Variants in KLF12 observed in about 807,000 individuals in gnomAD.
KLF12 encodes KLF transcription factor 12.
In KLF12, 9 loss-of-function variants were observed where a neutral mutation model predicts 37.8. That is an observed-to-expected ratio of 0.24 (90% CI 0.14 to 0.42). The LOEUF is 0.42. KLF12 is among the 10% of genes least tolerant of loss of function. KLF12 has a pLI of 1.00. For synonymous variants in KLF12, 208 were observed against 202.1 expected, an observed-to-expected ratio of 1.03 and a Z score of -0.25; for missense variants, 411 against 516.0, an observed-to-expected ratio of 0.80 and a Z score of 1.97.
At chr13:74,022,871 CT>C (rs1209038600) in intron 1 of KLF12, among the ~76,000 whole-genome samples, 1 of 148,240 alleles carries the variant, frequency 6.7e-6, no homozygotes, top group African/African-American at 2.5e-5. Flanking sequence ...CATCCATCCA[CT>C]GTGGAAAAAA....
intron 3 of KLF12, among the ~76,000 whole-genome samples, chr13:73,943,185 G>A (rs759553769): frequency 9.2e-5 from 14 of 152,046 alleles, no homozygotes; most frequent in South Asian, 2.1e-4. Flanking sequence ...GATTATATAC[G>A]TATTTATGTC....
At chr13:73,845,116 A>T (rs1394125730) in intron 4 of KLF12, 1 of 152,218 alleles carries the variant, frequency 6.6e-6, no homozygotes, top group Non-Finnish European at 1.5e-5. Flanking sequence ...ACTAGTGATG[A>T]TTACACATAG....
At chr13:74,254,489 C>A in the KLF12 span, among the ~76,000 whole-genome samples, 2 of 152,064 alleles carry the variant, frequency 1.3e-5, no homozygotes, top group African/African-American at 4.8e-5. Context: ...ATTATTAATG[C>A]AATTTTCAGA....
intron 4 of KLF12, among the ~76,000 whole-genome samples, chr13:73,842,287 G>A (rs942568699): frequency 2.0e-5 from 3 of 152,192 alleles, no homozygotes; most frequent in African/African-American, 7.2e-5. Context: ...CTCTATTTGC[G>A]ATTATAATTA....
rs750282954 is a variant in KLF12, at chr13:73,992,046, C to G, written c.33+2944G>C. On this transcript the variant is annotated intron_variant, in intron 2 of 7. Transcript: ENST00000377669. ...GCTAGGTGGTTAGGCAGCTGTTCAT[C>G]AGAGGTAGTCGCAAAGCAAAGTTTT... 2.6e-5 allele frequency among the ~76,000 whole-genome samples: 4 copies of G among 152,000 alleles called. No homozygotes were observed. In the East Asian group the frequency reaches 5.8e-4, roughly 22 times the overall value.
intron 1 of KLF12, among the ~76,000 whole-genome samples, chr13:74,119,707 G>A (rs1316492661): frequency 6.6e-6 from 1 of 152,000 alleles, no homozygotes; most frequent in Non-Finnish European, 1.5e-5. Flanking sequence ...AAGACTTGTG[G>A]GGCAATACCA....
intron 4 of KLF12, among the ~76,000 whole-genome samples, chr13:73,829,398 A>G (rs1173340112): frequency 6.6e-6 from 1 of 152,168 alleles, no homozygotes; most frequent in Non-Finnish European, 1.5e-5. Context: ...AATAATAAGG[A>G]TATTTTTCTC....
rs1482056083 is a variant in KLF12 at position 73,995,065 on chromosome 13, A to G, written c.-31-12T>C. 1 of 1,573,454 alleles carries G rather than the reference A, an allele frequency of 6.4e-7. No homozygotes were observed. Among genetic ancestry groups the G allele is most frequent in the Non-Finnish European group, 8.7e-7 (1 of 1,152,056 alleles). ...GAGTCACATTGATCCTGCAAGAAAA[A>G]CACAAAGACAAATGATGAGAGAAAG... On this transcript the variant is annotated splice_polypyrimidine_tract_variant and intron_variant, in intron 1 of 7. Coordinates refer to ENST00000377669, the MANE Select transcript of KLF12 (RefSeq NM_007249.5).
At chr13:73,892,837 T>C (rs1887575563) in intron 3 of KLF12, among the ~76,000 whole-genome samples, 1 of 152,228 alleles carries the variant, frequency 6.6e-6, no homozygotes, top group Admixed American at 6.5e-5. Flanking sequence ...ACTTTGCTTA[T>C]ATTTGTGGGA....
chr13:73,798,850 T>C (rs1296921190), intron 5 of KLF12, among the ~76,000 whole-genome samples: 1 of 152,198 alleles, frequency 6.6e-6, no homozygotes, highest in Non-Finnish European at 1.5e-5. Context: ...GAAAGCAGTG[T>C]GGCCATTCCT....
At chr13:74,231,966 G>A in the KLF12 span, among the ~76,000 whole-genome samples, 2 of 152,148 alleles carry the variant, frequency 1.3e-5, no homozygotes, top group Non-Finnish European at 2.9e-5. Flanking sequence ...GATATTCAAA[G>A]AAATTTAGTT....
chr13:73,816,853 C>T (rs1183574533), intron 4 of KLF12, among the ~76,000 whole-genome samples: 4 of 152,172 alleles, frequency 2.6e-5, no homozygotes, highest in Non-Finnish European at 2.9e-5. Context: ...GCTCAGCAGG[C>T]GGCCAATCCC....
chr13:73,808,047 CATT>C (rs1594114848), intron 5 of KLF12, among the ~76,000 whole-genome samples: 1 of 152,154 alleles, frequency 6.6e-6, no homozygotes, highest in Non-Finnish European at 1.5e-5. Flanking sequence ...GAAAAGACAT[CATT>C]ATTTTGTCTA....
rs1883041997 is a variant in KLF12, at chr13:73,813,295, GAA to G, written c.671-10_671-9del. ...CTCGGGGGTCCATTTGTGCTGGAGA[GAA>G]AAGGCATATATAATGAATTAAAATC... On this transcript the variant is annotated splice_polypyrimidine_tract_variant and intron_variant, in intron 4 of 7. Transcript: ENST00000377669. 1 of 1,613,652 alleles carries G rather than the reference GAA, an allele frequency of 6.2e-7. No homozygotes were observed. The highest frequency in any genetic ancestry group is 1.7e-5 in the Admixed American group (1 of 59,964).
chr13:73,961,330 A>G (rs1004933611), intron 2 of KLF12, among the ~76,000 whole-genome samples: 6 of 152,284 alleles, frequency 3.9e-5, no homozygotes, highest in African/African-American at 1.4e-4. Context: ...GCATGTAAGA[A>G]GCTTAGAAGT....
the KLF12 span, among the ~76,000 whole-genome samples, chr13:74,293,749 C>T: frequency 1.3e-5 from 2 of 152,166 alleles, 1 homozygote; most frequent in Non-Finnish European, 2.9e-5. Context: ...TTTTATAAAA[C>T]ACTGCATTTG....
chr13:74,280,825 C>CTTTTTT, the KLF12 span, among the ~76,000 whole-genome samples: 12 of 110,552 alleles, frequency 1.1e-4, no homozygotes, highest in African/African-American at 1.9e-4. Context: ...TTTCTTTTTT[C>CTTTTTT]TTTTTTTTTT....
chr13:74,084,017 CATAGA>C lies in KLF12; in HGVS notation c.-32+49717_-32+49721del, dbSNP rs1566204279. ...ACTGGAAAAGCAAGATTTCTTATAGCATAGAATCATAAAGTGTAACAGAATAATTT... is the reference window on the plus strand; with the variant it reads ...ACTGGAAAAGCAAGATTTCTTATAGCATCATAAAGTGTAACAGAATAATTT... On this transcript the variant is annotated intron_variant, in intron 1 of 7. Coordinates refer to ENST00000377669, the MANE Select transcript of KLF12 (RefSeq NM_007249.5). Among the ~76,000 whole-genome samples the C allele has an allele frequency of 3.9e-5, 6 of 152,168 alleles. No individual in the cohort carries two copies. In the East Asian group the frequency reaches 1.2e-3, roughly 29 times the overall value.
rs201913294 is a variant in KLF12, at chr13:73,765,015, G to A, written c.807-15C>T. ...ACGGATGTACCCTGTAGACAGAGAAGAATAATCCAGTCATTGAAAAAGCAT... is the reference window on the plus strand; with the variant it reads ...ACGGATGTACCCTGTAGACAGAGAAAAATAATCCAGTCATTGAAAAAGCAT... On this transcript the variant is annotated splice_polypyrimidine_tract_variant and intron_variant, in intron 5 of 7. Coordinates refer to ENST00000377669, the MANE Select transcript of KLF12 (RefSeq NM_007249.5). 6.9e-7 allele frequency: 1 copy of A among 1,456,380 alleles called. No individual in the cohort carries two copies. The highest frequency in any genetic ancestry group is 9.5e-7 in the Non-Finnish European group (1 of 1,056,420). 90.2% of individuals were successfully genotyped at this position (1,456,380 alleles called of 1,614,324 possible). A position where few individuals can be genotyped will look rare whatever the true frequency, so the allele number is the denominator to read the frequency against.
Sources: allele counts gnomAD v4.1 joint callset (sites outside exome capture counted in the v4.1 genomes callset), GRCh38; gene constraint gnomAD v4.1.1; transcripts MANE v1.5; gene names NCBI Gene and HGNC (gene_info 2026-07-23, HGNC 2026-07-21).